MINDY3: variants seen among roughly 807,000 people sequenced by gnomAD.
MINDY3 encodes MINDY lysine 48 deubiquitinase 3.
A neutral mutation model predicts 69.2 loss-of-function variants in MINDY3; 38 were observed. The ratio of observed to expected loss-of-function variants is 0.55; its 90% CI spans 0.42 to 0.72. The LOEUF (loss-of-function observed/expected upper bound fraction) is 0.72. Ranked by LOEUF, MINDY3 falls within the 30% of genes least tolerant of loss-of-function variation. MINDY3 has a pLI of 0.00. For synonymous variants in MINDY3, 192 were observed against 180.1 expected, an observed-to-expected ratio of 1.07 and a Z score of -0.53; for missense variants, 522 against 519.0, an observed-to-expected ratio of 1.01 and a Z score of -0.06.
intron 4 of MINDY3, 100 bp downstream of exon 4, chr10:15,841,326 G>A (rs1296157042): frequency 1.1e-6 from 1 of 915,594 alleles, no homozygotes; most frequent in Non-Finnish European, 1.6e-6. Context: ...AAGAATACAT[G>A]TTATGAAAAT....
rs544207198 is a variant in MINDY3, at chr10:15,790,281, T to C, written c.956-962A>G. The stretch of plus-strand genomic sequence containing the variant: ...CTTTTCTATTCTTAAACCTCTTTTC[T>C]ATTCTTAAACCTCATAAGGAGCTGT... On this transcript the variant is annotated intron_variant, in intron 11 of 14. Coordinates refer to ENST00000277632, the MANE Select transcript of MINDY3 (RefSeq NM_024948.4). Among the ~76,000 whole-genome samples, 30 of 151,468 alleles carry C rather than the reference T, an allele frequency of 2.0e-4. No individual in the cohort carries two copies. The South Asian group carries it at 5.2e-3, about 26-fold the overall frequency.
chr10:15,789,660 T>C (rs1273652423), intron 11 of MINDY3, among the ~76,000 whole-genome samples: 4 of 152,150 alleles, frequency 2.6e-5, no homozygotes, highest in African/African-American at 4.8e-5. Context: ...ATAAACAAAG[T>C]AAACCTTTAC....
intron 11 of MINDY3, 152 bp from the exon 12 acceptor site, chr10:15,789,471 T>C (rs1367797374): frequency 2.9e-5 from 16 of 545,662 alleles, no homozygotes; most frequent in East Asian, 1.1e-4. Context: ...ATAGTGCCTA[T>C]TGCTATTAGA....
At chr10:15,818,639 A>G (rs550666090) in intron 9 of MINDY3, among the ~76,000 whole-genome samples, 1 of 152,336 alleles carries the variant, frequency 6.6e-6, no homozygotes, top group South Asian at 2.1e-4. Flanking sequence ...ATACAAAAGA[A>G]TATTATTTGC....
intron 9 of MINDY3, among the ~76,000 whole-genome samples, chr10:15,818,616 A>G (rs928579013): frequency 6.6e-6 from 1 of 152,218 alleles, no homozygotes; most frequent in Non-Finnish European, 1.5e-5. Context: ...TGAACAGATA[A>G]AATTGGTTTA....
chr10:15,838,375 T>C, intron 4 of MINDY3, 96 bp from the exon 5 acceptor site: 2 of 1,039,966 alleles, frequency 1.9e-6, no homozygotes, highest in Non-Finnish European at 1.3e-6. Flanking sequence ...AATCAAAACT[T>C]TCCCTATTTC....
chr10:15,792,688 A>G (rs1837510271), intron 11 of MINDY3, among the ~76,000 whole-genome samples: 1 of 151,682 alleles, frequency 6.6e-6, no homozygotes, highest in African/African-American at 2.4e-5. Flanking sequence ...AACATATTTT[A>G]GCAACTTAAC....
intron 10 of MINDY3, among the ~76,000 whole-genome samples, chr10:15,806,226 G>A (rs929796575): frequency 2.0e-5 from 3 of 152,124 alleles, no homozygotes; most frequent in Admixed American, 2.0e-4. Context: ...CCTATTGAGA[G>A]CAGTCTATAT....
intron 10 of MINDY3, among the ~76,000 whole-genome samples, chr10:15,806,182 T>C (rs1439650645): frequency 6.6e-6 from 1 of 152,140 alleles, no homozygotes; most frequent in East Asian, 1.9e-4. Context: ...TGGGGCTGTA[T>C]GTTGCTTGTG....
chr10:15,785,019 G>C (rs1836847054), intron 13 of MINDY3, among the ~76,000 whole-genome samples: 1 of 152,128 alleles, frequency 6.6e-6, no homozygotes. Context: ...TGCAGGGCTT[G>C]TTAGACCACA....
intron 10 of MINDY3, among the ~76,000 whole-genome samples, chr10:15,804,994 C>T (rs1415439983): frequency 6.6e-6 from 1 of 152,094 alleles, no homozygotes; most frequent in Non-Finnish European, 1.5e-5. Context: ...AGCAGACAGC[C>T]CTCTGACGTT....
chr10:15,789,119 C>A lies in MINDY3; in HGVS notation c.1028+128G>T, dbSNP rs1837214788. 8.8e-6 allele frequency: 5 copies of A among 570,326 alleles called. No homozygotes were observed. The South Asian group carries it at 1.1e-4, about 12-fold the overall frequency. 35.3% of individuals were successfully genotyped at this position (570,326 alleles called of 1,614,324 possible). On this transcript the variant is annotated intron_variant, in intron 12 of 14. Transcript: ENST00000277632. ...GATTAGTTCGATTTCTTAATCTTTG[C>A]CTTACATAGATTGCTATGCTTCATA... is the stretch of plus-strand genomic sequence containing the variant.
At chr10:15,814,880 T>G (rs1044793664) in intron 10 of MINDY3, among the ~76,000 whole-genome samples, 4 of 152,188 alleles carry the variant, frequency 2.6e-5, no homozygotes, top group Non-Finnish European at 5.9e-5. Context: ...CTTTTTCAGA[T>G]AATGTCCTCA....
intron 11 of MINDY3, among the ~76,000 whole-genome samples, chr10:15,791,281 A>G (rs191374266): frequency 1.9e-4 from 29 of 152,168 alleles, no homozygotes; most frequent in Admixed American, 1.7e-3. Flanking sequence ...ATTCCTTAGA[A>G]AAAGGCCAGA....
At chr10:15,821,415 T>C (rs1191479128) in intron 9 of MINDY3, among the ~76,000 whole-genome samples, 1 of 152,214 alleles carries the variant, frequency 6.6e-6, no homozygotes, top group Non-Finnish European at 1.5e-5. Flanking sequence ...TATTTTGTAC[T>C]GGGTTCTGCC....
At chr10:15,853,786 G>A (rs765705955) in intron 1 of MINDY3, among the ~76,000 whole-genome samples, 1 of 151,350 alleles carries the variant, frequency 6.6e-6, no homozygotes, top group East Asian at 1.9e-4. Context: ...CTACCAATAA[G>A]CTACAGTTAT....
At chr10:15,830,167 A>G (rs556325985) in intron 8 of MINDY3, among the ~76,000 whole-genome samples, 2 of 152,332 alleles carry the variant, frequency 1.3e-5, no homozygotes, top group African/African-American at 4.8e-5. Context: ...CAAGTGTTTC[A>G]ATTTTCTATA....
intron 10 of MINDY3, among the ~76,000 whole-genome samples, chr10:15,813,116 C>T (rs1839121419): frequency 6.6e-6 from 1 of 152,078 alleles, no homozygotes; most frequent in Non-Finnish European, 1.5e-5. Context: ...AATCCTGTTC[C>T]CTTCCTTCCC....
At chr10:15,810,816 A>G (rs1336661201) in intron 10 of MINDY3, among the ~76,000 whole-genome samples, 1 of 152,200 alleles carries the variant, frequency 6.6e-6, no homozygotes, top group Non-Finnish European at 1.5e-5. Context: ...TCTAGTACCC[A>G]GAATATATTA....
Sources: allele counts gnomAD v4.1 joint callset (sites outside exome capture counted in the v4.1 genomes callset), GRCh38; gene constraint gnomAD v4.1.1; transcripts MANE v1.5; gene names NCBI Gene and HGNC (gene_info 2026-07-23, HGNC 2026-07-21).